Variants in FAM13A observed in about 807,000 individuals in gnomAD.
FAM13A encodes the protein protein FAM13A.
FAM13A carries 76 observed loss-of-function variants against 129.6 expected under a neutral mutation model. The ratio of observed to expected loss-of-function variants is 0.59; its 90% CI spans 0.49 to 0.71. FAM13A has a LOEUF of 0.71. Among genes scored for constraint, FAM13A ranks in the 30% least tolerant of loss-of-function variants. FAM13A has a pLI of 0.00. For synonymous variants in FAM13A, 443 were observed against 449.9 expected (o/e 0.98, Z 0.20); for missense variants, 1,108 against 1,249.3 (o/e 0.89, Z 1.70).
chr4:88,823,739 C>G (rs1329975476), intron 7 of FAM13A, among the ~76,000 whole-genome samples: 1 of 152,208 alleles, frequency 6.6e-6, no homozygotes, highest in South Asian at 2.1e-4. Context: ...CCTTGCCCTA[C>G]CCACATGTAT....
At chr4:89,034,066 A>C (rs576025147) in intron 1 of FAM13A, among the ~76,000 whole-genome samples, 1 of 152,338 alleles carries the variant, frequency 6.6e-6, no homozygotes, top group South Asian at 2.1e-4. Context: ...CAACAAAGCC[A>C]AAATATAACA....
rs539975141 is a variant in FAM13A, at chr4:88,998,186, C to T, written c.428-7036G>A. 3.3e-5 allele frequency among the ~76,000 whole-genome samples: 5 copies of T among 152,264 alleles called. No individual in the cohort carries two copies. In the South Asian group the frequency reaches 8.3e-4, roughly 25 times the overall value. ...AGTAGAGGAACCAGTTGAGCCCACACACTTCTCACCCACAGTACAGTGAGA... is the reference window on the plus strand; with the variant it reads ...AGTAGAGGAACCAGTTGAGCCCACATACTTCTCACCCACAGTACAGTGAGA... On this transcript the variant is annotated intron_variant, in intron 3 of 23. Coordinates refer to ENST00000264344, the MANE Select transcript of FAM13A (RefSeq NM_014883.4).
Position 88,866,810 on chromosome 4 carries a change from G to A in FAM13A, c.844-15627C>T, listed in dbSNP as rs186150007. ...AGAATGTTTTAGAGAGAAATATGGCGACATACACTCTTCCTGAAAATGTGT... is the reference window on the plus strand; with the variant it reads ...AGAATGTTTTAGAGAGAAATATGGCAACATACACTCTTCCTGAAAATGTGT... On this transcript the variant is annotated intron_variant, in intron 6 of 23. Transcript: ENST00000264344. Among the ~76,000 whole-genome samples the A allele has an allele frequency of 2.4e-3, 366 of 152,146 alleles. 1 individual carries two copies. Among genetic ancestry groups the A allele is most frequent in the Non-Finnish European group, 3.6e-3 (246 of 67,990 alleles).
chr4:88,795,318 A>C (rs1310100985), intron 8 of FAM13A, among the ~76,000 whole-genome samples: 3 of 151,872 alleles, frequency 2.0e-5, no homozygotes, highest in Non-Finnish European at 4.4e-5. Flanking sequence ...TTTGAAGAAA[A>C]AATTACTCTT....
chr4:88,960,057 G>A (rs1353701710), intron 4 of FAM13A, among the ~76,000 whole-genome samples: 1 of 152,154 alleles, frequency 6.6e-6, no homozygotes, highest in Non-Finnish European at 1.5e-5. Context: ...CAGAAAGAAA[G>A]GATTCTGGGT....
At chr4:88,919,222 A>T (rs1176977603) in intron 5 of FAM13A, among the ~76,000 whole-genome samples, 2 of 152,252 alleles carry the variant, frequency 1.3e-5, no homozygotes, top group African/African-American at 4.8e-5. Flanking sequence ...TATTGAGCAG[A>T]TGTATAAGAC....
chr4:88,784,175 CT>C (rs1470100868), intron 10 of FAM13A, among the ~76,000 whole-genome samples: 1 of 152,126 alleles, frequency 6.6e-6, no homozygotes, highest in Non-Finnish European at 1.5e-5. Context: ...GAAGTCTTTG[CT>C]TTTACGTGCA....
intron 6 of FAM13A, among the ~76,000 whole-genome samples, chr4:88,864,944 G>A (rs1180267472): frequency 2.6e-5 from 4 of 152,140 alleles, no homozygotes; most frequent in Admixed American, 2.6e-4. Context: ...GAGCATCACA[G>A]GGTATTTCAA....
chr4:88,846,723 C>T (rs997211715), intron 7 of FAM13A, among the ~76,000 whole-genome samples: 1 of 152,194 alleles, frequency 6.6e-6, no homozygotes, highest in African/African-American at 2.4e-5. Context: ...TTCTACAATT[C>T]AGTGACTTTT....
chr4:89,053,341 C>T (rs17769247), intron 1 of FAM13A, among the ~76,000 whole-genome samples: 2,150 of 152,242 alleles, frequency 0.014, 15 homozygotes, highest in Non-Finnish European at 0.022. Context: ...GACATTTGAA[C>T]GTTAAATAAC....
intron 6 of FAM13A, among the ~76,000 whole-genome samples, chr4:88,854,183 T>C (rs1458975881): frequency 6.6e-6 from 1 of 152,288 alleles, no homozygotes; most frequent in East Asian, 1.9e-4. Context: ...CTGACTAATA[T>C]AAAAGAAAAC....
chr4:88,868,719 T>C (rs1037546292), intron 6 of FAM13A, among the ~76,000 whole-genome samples: 1 of 152,204 alleles, frequency 6.6e-6, no homozygotes, highest in Admixed American at 6.5e-5. Context: ...TTCTCTCACA[T>C]GCCTCCCTCC....
At chr4:88,910,798 C>T (rs181426128) in intron 5 of FAM13A, among the ~76,000 whole-genome samples, 9 of 152,066 alleles carry the variant, frequency 5.9e-5, no homozygotes, top group African/African-American at 9.6e-5. Flanking sequence ...TACAGGCACG[C>T]GTCACCATGC....
chr4:88,988,260 T>C (rs1277723950), intron 4 of FAM13A, among the ~76,000 whole-genome samples: 2 of 152,336 alleles, frequency 1.3e-5, no homozygotes, highest in South Asian at 4.1e-4. Context: ...GGAAGGACTG[T>C]TCTTTATTAA....
At chr4:88,940,800 T>A (rs1044896102) in intron 4 of FAM13A, among the ~76,000 whole-genome samples, 1 of 152,128 alleles carries the variant, frequency 6.6e-6, no homozygotes, top group Non-Finnish European at 1.5e-5. Flanking sequence ...CATTGTAGCA[T>A]GAGATGGAAA....
At chr4:88,841,319 C>A (rs1735777185) in intron 7 of FAM13A, among the ~76,000 whole-genome samples, 1 of 151,884 alleles carries the variant, frequency 6.6e-6, no homozygotes, top group South Asian at 2.1e-4. Flanking sequence ...CATGGTGAAA[C>A]CCTGTCTTTA....
chr4:88,900,178 G>A (rs958082594), intron 6 of FAM13A, among the ~76,000 whole-genome samples: 2 of 152,080 alleles, frequency 1.3e-5, no homozygotes, highest in African/African-American at 4.8e-5. Context: ...TGAAAGAGAT[G>A]AGGAAAATGG....
chr4:89,006,714 T>C (rs1325977757), intron 3 of FAM13A, among the ~76,000 whole-genome samples: 1 of 151,970 alleles, frequency 6.6e-6, no homozygotes, highest in Admixed American at 6.6e-5. Context: ...CCAGGAAGAG[T>C]CAGGTCACAT....
At position 88,750,542 on chromosome 4, in the gene FAM13A, G is replaced by A; in HGVS notation, c.1822C>T (p.Leu608=). 1 of 1,614,164 alleles carries A rather than the reference G, an allele frequency of 6.2e-7. No homozygotes were observed. Among genetic ancestry groups the A allele is most frequent in the Non-Finnish European group, 8.5e-7 (1 of 1,180,004 alleles). Residue 608 remains leucine, a synonymous_variant, in exon 15 of 24, where the codon CTG becomes TTG. Coordinates refer to ENST00000264344, the MANE Select transcript of FAM13A (RefSeq NM_014883.4). ...PQAGRLIRQL[L]DEDSDPMLSP... Reference sequence around the variant, plus strand: ...AGCATGGGGTCGCTGTCTTCGTCCAGCAGCTGACGGATCAGGCGCCCAGCC... The same window carrying A: ...AGCATGGGGTCGCTGTCTTCGTCCAACAGCTGACGGATCAGGCGCCCAGCC...
Sources: allele counts gnomAD v4.1 joint callset (sites outside exome capture counted in the v4.1 genomes callset), GRCh38; gene constraint gnomAD v4.1.1; transcripts MANE v1.5; gene names NCBI Gene and HGNC (gene_info 2026-07-23, HGNC 2026-07-21).